Variants in SHTN1 observed in about 807,000 individuals in gnomAD.
SHTN1 encodes shootin-1.
Under a neutral mutation model 83.1 loss-of-function variants are expected in SHTN1, and 42 were observed. The observed-to-expected ratio is 0.51, with a 90% CI of 0.39 to 0.65. The LOEUF is 0.65. Among genes scored for constraint, SHTN1 ranks in the 30% least tolerant of loss-of-function variants. The pLI, the probability that SHTN1 is intolerant of heterozygous loss-of-function variation, is 0.00. For missense variants in SHTN1, 622 were observed against 737.8 expected, an observed-to-expected ratio of 0.84 and a Z score of 1.82; for synonymous variants, 224 against 247.7, an observed-to-expected ratio of 0.90 and a Z score of 0.90.
intron 1 of SHTN1, among the ~76,000 whole-genome samples, chr10:116,986,557 T>C (rs748459507): frequency 5.9e-5 from 9 of 151,838 alleles, no homozygotes; most frequent in Non-Finnish European, 1.2e-4. Flanking sequence ...AAGTGAAAAT[T>C]TTCCCTACTA....
chr10:117,036,291 C>G (rs544636448), intron 2 of SHTN1, among the ~76,000 whole-genome samples: 1 of 152,152 alleles, frequency 6.6e-6, no homozygotes, highest in Non-Finnish European at 1.5e-5. Flanking sequence ...TGGGTATATA[C>G]CCAAAAGAAA....
chr10:117,102,581 C>G (rs1853611024), intron 1 of SHTN1, among the ~76,000 whole-genome samples: 1 of 152,010 alleles, frequency 6.6e-6, no homozygotes. Flanking sequence ...CTTTTTTCCC[C>G]TCCAACAAGT....
chr10:116,959,765 C>T (rs1850114505), intron 4 of SHTN1, among the ~76,000 whole-genome samples: 1 of 152,144 alleles, frequency 6.6e-6, no homozygotes, highest in African/African-American at 2.4e-5. Flanking sequence ...ATGAGACATT[C>T]ACTGCTCTTT....
chr10:116,972,595 C>T (rs567134545), intron 2 of SHTN1, among the ~76,000 whole-genome samples: 1 of 152,360 alleles, frequency 6.6e-6, no homozygotes, highest in South Asian at 2.1e-4. Context: ...TTCCACCACA[C>T]AGAAGCCCCT....
chr10:116,995,087 T>C (rs1270128598), intron 1 of SHTN1, among the ~76,000 whole-genome samples: 1 of 152,184 alleles, frequency 6.6e-6, no homozygotes, highest in Non-Finnish European at 1.5e-5. Flanking sequence ...ACTGCATTAT[T>C]ATCATAATGA....
chr10:116,990,283 C>CTTTTTT (rs1462733730), intron 1 of SHTN1, among the ~76,000 whole-genome samples: 1 of 56,326 alleles, frequency 1.8e-5, no homozygotes, highest in African/African-American at 6.7e-5. Context: ...TTTCTTTTTT[C>CTTTTTT]TTTCTTTTTT....
intron 2 of SHTN1, among the ~76,000 whole-genome samples, chr10:117,018,535 T>A (rs1852214582): frequency 6.6e-6 from 1 of 150,686 alleles, no homozygotes; most frequent in Non-Finnish European, 1.5e-5. Context: ...GAAAATATTT[T>A]TCTCCCCTTA....
At chr10:117,047,903 C>CAAAA (rs58029184) in intron 2 of SHTN1, among the ~76,000 whole-genome samples, 3 of 139,568 alleles carry the variant, frequency 2.1e-5, no homozygotes, top group Non-Finnish European at 3.1e-5. Flanking sequence ...AGGCATGAGC[C>CAAAA]AAAAAAAAAA....
At chr10:117,018,722 C>G (rs570640347) in intron 2 of SHTN1, among the ~76,000 whole-genome samples, 3 of 152,040 alleles carry the variant, frequency 2.0e-5, no homozygotes, top group Non-Finnish European at 2.9e-5. Context: ...CAGATGCTCG[C>G]CACCATGCCC....
chr10:117,057,893 T>A (rs959789028), intron 1 of SHTN1, among the ~76,000 whole-genome samples: 1 of 152,192 alleles, frequency 6.6e-6, no homozygotes, highest in Non-Finnish European at 1.5e-5. Context: ...CAGGAAAGTA[T>A]GACCCACTCA....
At chr10:117,088,849 T>C (rs887994796) in intron 1 of SHTN1, among the ~76,000 whole-genome samples, 1 of 152,212 alleles carries the variant, frequency 6.6e-6, no homozygotes, top group African/African-American at 2.4e-5. Context: ...TTTAGGCACA[T>C]TTCCTAGACC....
intron 1 of SHTN1, among the ~76,000 whole-genome samples, chr10:117,097,073 G>C (rs1277055553): frequency 1.4e-5 from 2 of 145,838 alleles, no homozygotes; most frequent in Non-Finnish European, 3.0e-5. Flanking sequence ...AAAGGAAAAA[G>C]GAAGCCCTAG....
intron 3 of SHTN1, among the ~76,000 whole-genome samples, chr10:116,963,421 A>G (rs573093798): frequency 2.0e-5 from 3 of 152,112 alleles, no homozygotes; most frequent in African/African-American, 7.2e-5. Context: ...AATTTGCCCT[A>G]TGGTTCTGAA....
intron 2 of SHTN1, among the ~76,000 whole-genome samples, chr10:117,044,572 T>A (rs1342928267): frequency 6.6e-6 from 1 of 152,172 alleles, no homozygotes; most frequent in African/African-American, 2.4e-5. Flanking sequence ...ATTTTCTATA[T>A]CAATTTGAAA....
Position 116,927,866 on chromosome 10 carries a change from G to C in SHTN1, c.1038C>G (p.Asn346Lys). The C allele has an allele frequency of 1.2e-6, 2 of 1,612,100 alleles. No individual in the cohort carries two copies. The highest frequency in any genetic ancestry group is 1.7e-6 in the Non-Finnish European group (2 of 1,179,174). The change falls in exon 11 of 17, where the codon AAC (asparagine) becomes AAG (lysine). Residue 346 changes from asparagine to lysine, a missense_variant. Around this residue, in one of 3 missense-constraint regions of SHTN1, gnomAD observed 383 missense variants for 455.8 expected, o/e 0.84. Transcript: ENST00000355371. ...HSVDELQKRV[N>K]QSENSVPPPP... Reference sequence around the variant, plus strand: ...GTGGAGGTACTGAATTCTCAGACTGGTTCACTCGTTTCTGGAGTTCATCAA... The same window carrying C: ...GTGGAGGTACTGAATTCTCAGACTGCTTCACTCGTTTCTGGAGTTCATCAA...
intron 15 of SHTN1, among the ~76,000 whole-genome samples, chr10:116,904,143 T>A (rs867166602): frequency 2.6e-5 from 4 of 152,290 alleles, no homozygotes; most frequent in Middle Eastern, 3.4e-3. Context: ...CACATTTACT[T>A]TCCCAAAAGC....
chr10:117,099,334 A>T (rs1853555673), intron 1 of SHTN1, among the ~76,000 whole-genome samples: 1 of 151,766 alleles, frequency 6.6e-6, no homozygotes, highest in South Asian at 2.1e-4. Context: ...CCACTAAAGA[A>T]CTCATCTATA....
intron 1 of SHTN1, among the ~76,000 whole-genome samples, chr10:117,068,149 T>C (rs1853029660): frequency 1.3e-5 from 2 of 152,126 alleles, no homozygotes; most frequent in African/African-American, 4.8e-5. Flanking sequence ...CCCAGCATTT[T>C]GGGAGGCCAA....
At chr10:116,899,612 A>T (rs1256744780) in intron 16 of SHTN1, among the ~76,000 whole-genome samples, 1 of 151,764 alleles carries the variant, frequency 6.6e-6, no homozygotes, top group East Asian at 1.9e-4. Flanking sequence ...TGTCATTGGC[A>T]TCCTCCCTTG....
Sources: allele counts gnomAD v4.1 joint callset (sites outside exome capture counted in the v4.1 genomes callset), GRCh38; gene constraint gnomAD v4.1.1; regional missense constraint gnomAD v4.1.1; transcripts MANE v1.5; gene names NCBI Gene and HGNC (gene_info 2026-07-23, HGNC 2026-07-21).